Variants in ACCSL observed in about 807,000 individuals in gnomAD.
ACCSL encodes the protein 1-aminocyclopropane-1-carboxylate synthase homolog (inactive) like.
In ACCSL, 55 loss-of-function variants were observed where a neutral mutation model predicts 61.7. That is an observed-to-expected ratio of 0.89 (90% CI 0.72 to 1.12). The LOEUF is 1.12. ACCSL is among the 50% of genes most tolerant of loss of function. The pLI is 0.00. For synonymous variants in ACCSL, 258 were observed against 264.3 expected (o/e 0.98, Z 0.23); for missense variants, 632 against 698.0 (o/e 0.91, Z 1.07).
chr11:43,976,733 C>T, the ACCSL span, among the ~76,000 whole-genome samples: 1 of 152,136 alleles, frequency 6.6e-6, no homozygotes, highest in African/African-American at 2.4e-5. Context: ...AAGGGGTGCC[C>T]TTCATTCCTG....
the ACCSL span, among the ~76,000 whole-genome samples, chr11:43,937,631 G>C: frequency 6.6e-6 from 1 of 152,144 alleles, no homozygotes; most frequent in Non-Finnish European, 1.5e-5. Context: ...GTGCTGGACT[G>C]TTCCAGCCCT....
At chr11:43,953,514 C>G in the ACCSL span, among the ~76,000 whole-genome samples, 2 of 125,328 alleles carry the variant, frequency 1.6e-5, no homozygotes, top group East Asian at 4.9e-4. Flanking sequence ...GAGCGAGACT[C>G]TGACTCAAAA....
chr11:44,002,200 G>A, the ACCSL span, among the ~76,000 whole-genome samples: 1 of 152,040 alleles, frequency 6.6e-6, no homozygotes, highest in Non-Finnish European at 1.5e-5. Context: ...CACCGGAAAG[G>A]GCCATTCTGG....
At chr11:43,922,349 C>T in the ACCSL span, 6 of 152,240 alleles carry the variant, frequency 3.9e-5, no homozygotes, top group African/African-American at 1.4e-4. Flanking sequence ...GTTTGGTTTC[C>T]CTTTGCCATG....
the ACCSL span, among the ~76,000 whole-genome samples, chr11:44,026,975 G>C: frequency 6.6e-6 from 1 of 152,160 alleles, no homozygotes; most frequent in Non-Finnish European, 1.5e-5. Context: ...TGATCCACCC[G>C]CCTTGGCCTC....
chr11:43,937,987 AAC>A, the ACCSL span, among the ~76,000 whole-genome samples: 3 of 152,144 alleles, frequency 2.0e-5, no homozygotes, highest in East Asian at 5.8e-4. Flanking sequence ...TGAGGGGAAA[AAC>A]ACAGAAGTCT....
upstream of ACCSL, among the ~76,000 whole-genome samples, chr11:44,045,900 G>A (rs193117727): frequency 2.0e-3 from 304 of 152,314 alleles, no homozygotes; most frequent in African/African-American, 7.1e-3. Context: ...CCAGTCCTGG[G>A]AAAAGGAAGA....
the ACCSL span, chr11:43,943,142 A>C: frequency 6.7e-7 from 1 of 1,501,724 alleles, no homozygotes; most frequent in East Asian, 2.7e-5. This position sits in a 1 kb window ranked among gnomAD's most constrained non-coding sequence, Gnocchi z 4.8. Flanking sequence ...GGAGAAGGCC[A>C]AGAAGTCGTT....
At chr11:44,010,823 C>T in the ACCSL span, among the ~76,000 whole-genome samples, 1 of 152,184 alleles carries the variant, frequency 6.6e-6, no homozygotes, top group Non-Finnish European at 1.5e-5. Flanking sequence ...GTGTGTATAA[C>T]TGAGTCGGGT....
chr11:44,050,004 G>C (rs771886008), intron 1 of ACCSL, 58 bp from the exon 2 acceptor site: 7 of 1,609,824 alleles, frequency 4.3e-6, no homozygotes, highest in Non-Finnish European at 6.0e-6. Flanking sequence ...TGTTTCAAGG[G>C]ATCTATGTAG....
the ACCSL span, among the ~76,000 whole-genome samples, chr11:43,922,509 C>T: frequency 2.6e-5 from 4 of 152,342 alleles, no homozygotes; most frequent in South Asian, 2.1e-4. Context: ...TCTCATCTTT[C>T]CTTAATCAGC....
chr11:43,972,188 A>G, the ACCSL span, among the ~76,000 whole-genome samples: 1 of 152,142 alleles, frequency 6.6e-6, no homozygotes, highest in South Asian at 2.1e-4. Context: ...AGTGTCCCCA[A>G]CTATAAAGAA....
At chr11:44,050,707 G>C in intron 3 of ACCSL, 85 bp downstream of exon 3, 37 of 1,324,296 alleles carry the variant, frequency 2.8e-5, no homozygotes, top group Non-Finnish European at 3.3e-5. Flanking sequence ...CCAAATTCCT[G>C]GTTGGTTACC....
chr11:44,018,019 T>C, the ACCSL span, among the ~76,000 whole-genome samples: 2 of 152,052 alleles, frequency 1.3e-5, no homozygotes. Flanking sequence ...GAGAACTGTT[T>C]TAGGAAAAAT....
chr11:44,051,609 A>G, intron 4 of ACCSL, 44 bp from the exon 5 acceptor site: 1 of 1,610,836 alleles, frequency 6.2e-7, no homozygotes, highest in Non-Finnish European at 8.5e-7. Flanking sequence ...CCCTTCTCAC[A>G]TAGGTATTGG....
At chr11:43,950,083 G>A in the ACCSL span, among the ~76,000 whole-genome samples, 3 of 152,190 alleles carry the variant, frequency 2.0e-5, no homozygotes, top group African/African-American at 7.2e-5. Flanking sequence ...ACTACATTGT[G>A]TATTCAGTGA....
the ACCSL span, among the ~76,000 whole-genome samples, chr11:43,965,554 C>T: frequency 6.6e-6 from 1 of 152,126 alleles, no homozygotes; most frequent in Admixed American, 6.6e-5. Flanking sequence ...TCAATATAAT[C>T]CCTATAAAAA....
the ACCSL span, among the ~76,000 whole-genome samples, chr11:43,925,977 G>A: frequency 6.6e-6 from 1 of 152,180 alleles, no homozygotes; most frequent in African/African-American, 2.4e-5. Context: ...TGGGTGGGCG[G>A]TCCTTCTGTG....
chr11:43,985,281 G>A, the ACCSL span, among the ~76,000 whole-genome samples: 1 of 152,222 alleles, frequency 6.6e-6, no homozygotes. Flanking sequence ...TCCAGTGTGA[G>A]AGGTGATGTT....
Sources: gnomAD v4.1 joint callset for allele counts (sites outside exome capture counted in the v4.1 genomes callset) on GRCh38, gnomAD v4.1.1 for gene constraint, Gnocchi (gnomAD v3.1) non-coding constraint, MANE v1.5 for transcripts, NCBI Gene and HGNC (gene_info 2026-07-23, HGNC 2026-07-21) for gene names.